MYO1D: variants seen among roughly 807,000 people sequenced by gnomAD.
MYO1D encodes myosin ID.
MYO1D carries 83 observed loss-of-function variants against 122.0 expected under a neutral mutation model. That is an observed-to-expected ratio of 0.68 (90% confidence interval 0.57 to 0.82). The LOEUF (loss-of-function observed/expected upper bound fraction) is 0.82. Ranked by LOEUF, MYO1D falls within the 40% of genes least tolerant of loss-of-function variation. MYO1D has a pLI of 0.00. For missense variants in MYO1D, 1,157 were observed against 1,269.5 expected (o/e 0.91, Z 1.35); for synonymous variants, 464 against 446.9 (o/e 1.04, Z -0.48).
intron 16 of MYO1D, among the ~76,000 whole-genome samples, chr17:32,710,484 C>T (rs192345259): frequency 6.6e-6 from 1 of 152,226 alleles, no homozygotes; most frequent in East Asian, 1.9e-4. Flanking sequence ...TAAAACCATA[C>T]AGTTCATAGA....
rs570511084 is a variant in MYO1D, at chr17:32,756,056, T to G, written c.1297-394A>C. On this transcript the variant is annotated intron_variant, in intron 10 of 21. Coordinates refer to ENST00000318217, the MANE Select transcript of MYO1D (RefSeq NM_015194.3). ...GGGCCAACAAATAACCTTAAAGTAT[T>G]ATCTGATATACTACTTCATAATAAA... 5.3e-5 allele frequency among the ~76,000 whole-genome samples: 8 copies of G among 152,176 alleles called. No homozygotes were observed. The South Asian group carries it at 1.7e-3, about 31-fold the overall frequency.
intron 21 of MYO1D, among the ~76,000 whole-genome samples, chr17:32,508,275 A>C (rs576073076): frequency 6.6e-6 from 1 of 150,376 alleles, no homozygotes; most frequent in East Asian, 2.0e-4. Flanking sequence ...CACCCAGTCT[A>C]TGGTATCTTT....
At chr17:32,812,472 T>C (rs1388235578) in intron 1 of MYO1D, among the ~76,000 whole-genome samples, 2 of 152,168 alleles carry the variant, frequency 1.3e-5, no homozygotes, top group South Asian at 2.1e-4. Flanking sequence ...TCAGGGGTGA[T>C]AGAGCCACAG....
At chr17:32,572,588 C>T (rs1318725250) in intron 21 of MYO1D, among the ~76,000 whole-genome samples, 1 of 152,140 alleles carries the variant, frequency 6.6e-6, no homozygotes. Context: ...AAATATAAGT[C>T]AGACCACATC....
Position 32,714,519 on chromosome 17 carries a change from A to T in MYO1D, c.1914-2324T>A, listed in dbSNP as rs148627267. ...ATTCCATGTCTTTGCTATTGTGAAT[A>T]GTGCTGCAATGAACATACCTGTGCA... On this transcript the variant is annotated intron_variant, in intron 15 of 21. Transcript: ENST00000318217. 1.3e-3 allele frequency among the ~76,000 whole-genome samples: 198 copies of T among 152,316 alleles called. 1 individual carries two copies. In the South Asian group the frequency reaches 0.013, roughly 10 times the overall value.
At chr17:32,705,028 A>T (rs916022904) in intron 16 of MYO1D, among the ~76,000 whole-genome samples, 36 of 152,130 alleles carry the variant, frequency 2.4e-4, no homozygotes, top group Admixed American at 2.1e-3. Flanking sequence ...TTATTTCTTT[A>T]AAAAAAGAGA....
At chr17:32,518,429 C>T (rs1420082356) in intron 21 of MYO1D, 5 of 152,072 alleles carry the variant, frequency 3.3e-5, no homozygotes, top group Non-Finnish European at 7.4e-5. Context: ...TATTTACTCT[C>T]GGGGGAGTCA....
intron 14 of MYO1D, among the ~76,000 whole-genome samples, chr17:32,722,819 T>A (rs149230819): frequency 6.6e-6 from 1 of 152,248 alleles, no homozygotes; most frequent in East Asian, 1.9e-4. Flanking sequence ...CTTATGAAAT[T>A]TCTTCAGTGA....
chr17:32,584,501 CTT>C (rs937941663), intron 21 of MYO1D, among the ~76,000 whole-genome samples: 5 of 143,534 alleles, frequency 3.5e-5, no homozygotes, highest in Non-Finnish European at 3.1e-5. Context: ...ATCTTCAGAA[CTT>C]TTTTTTTTTT....
chr17:32,630,624 G>A (rs1054226971), intron 20 of MYO1D, among the ~76,000 whole-genome samples: 2 of 151,948 alleles, frequency 1.3e-5, no homozygotes, highest in Non-Finnish European at 2.9e-5. Context: ...CCAGGCTGGA[G>A]TGCAGTGGTG....
chr17:32,782,134 G>A (rs147623993), intron 1 of MYO1D, among the ~76,000 whole-genome samples: 5 of 152,274 alleles, frequency 3.3e-5, no homozygotes, highest in African/African-American at 1.2e-4. Flanking sequence ...CCTTTAAGCT[G>A]GAATGAAGGC....
intron 1 of MYO1D, among the ~76,000 whole-genome samples, chr17:32,843,985 T>C (rs2090909686): frequency 6.6e-6 from 1 of 151,544 alleles, no homozygotes; most frequent in African/African-American, 2.4e-5. Flanking sequence ...AAGATAAATA[T>C]ATTTTATATA....
At chr17:32,729,548 G>C (rs1216685723) in intron 14 of MYO1D, among the ~76,000 whole-genome samples, 1 of 152,238 alleles carries the variant, frequency 6.6e-6, no homozygotes, top group East Asian at 1.9e-4. Context: ...ACAAAATATG[G>C]GGAAAAGGTT....
At chr17:32,511,224 CTG>C (rs947302229) in intron 21 of MYO1D, among the ~76,000 whole-genome samples, 7 of 149,996 alleles carry the variant, frequency 4.7e-5, no homozygotes, top group African/African-American at 1.8e-4. Flanking sequence ...CTCGCTCACT[CTG>C]TTTTTTTTTT....
intron 21 of MYO1D, among the ~76,000 whole-genome samples, chr17:32,560,879 A>G (rs1172455250): frequency 6.7e-6 from 1 of 150,302 alleles, no homozygotes; most frequent in Admixed American, 6.6e-5. Flanking sequence ...TGGCCTCCCA[A>G]AGTGCGAGGA....
chr17:32,519,575 G>A (rs1415538897), intron 21 of MYO1D, among the ~76,000 whole-genome samples: 1 of 151,790 alleles, frequency 6.6e-6, no homozygotes, highest in African/African-American at 2.4e-5. Context: ...GCCCGAGCCC[G>A]AGCGCCAGCG....
At chr17:32,531,770 A>G (rs1048131677) in intron 21 of MYO1D, among the ~76,000 whole-genome samples, 1 of 152,258 alleles carries the variant, frequency 6.6e-6, no homozygotes, top group African/African-American at 2.4e-5. Context: ...CTAACACCTG[A>G]AAGCATGATC....
At chr17:32,546,635 C>T (rs12602322) in intron 21 of MYO1D, among the ~76,000 whole-genome samples, 13,417 of 152,260 alleles carry the variant, frequency 0.088, 720 homozygotes, top group South Asian at 0.17. Context: ...CAAGGATATT[C>T]ATTTAAAAAG....
chr17:32,783,001 A>T (rs1323255877), intron 1 of MYO1D, among the ~76,000 whole-genome samples: 1 of 152,156 alleles, frequency 6.6e-6, no homozygotes, highest in Non-Finnish European at 1.5e-5. Context: ...CAAAATATCT[A>T]TATAACAACT....
Sources: allele counts gnomAD v4.1 joint callset (sites outside exome capture counted in the v4.1 genomes callset), GRCh38; gene constraint gnomAD v4.1.1; transcripts MANE v1.5; gene names NCBI Gene and HGNC (gene_info 2026-07-23, HGNC 2026-07-21).